Variants in ACVR1C observed in about 807,000 individuals in gnomAD.
The protein encoded by ACVR1C is activin A receptor type 1C, also known as activin receptor type-1C.
ACVR1C carries 23 observed loss-of-function variants against 57.9 expected under a neutral mutation model. The observed-to-expected ratio is 0.40, with a 90% CI of 0.29 to 0.56. The LOEUF (loss-of-function observed/expected upper bound fraction) is 0.56, where lower values mean the gene tolerates loss of function less well. Among genes scored for constraint, ACVR1C ranks in the 20% least tolerant of loss-of-function variants. The pLI, the probability that ACVR1C is intolerant of heterozygous loss-of-function variation, is 0.50. For missense variants in ACVR1C, 480 were observed against 607.9 expected (o/e 0.79, Z 2.21); for synonymous variants, 214 against 215.3 (o/e 0.99, Z 0.05).
chr2:157,545,321 C>G (rs1687725435), intron 4 of ACVR1C, among the ~76,000 whole-genome samples: 1 of 152,184 alleles, frequency 6.6e-6, no homozygotes, highest in Admixed American at 6.5e-5. Flanking sequence ...AGTTCTGACA[C>G]TCAGGGAAAG....
chr2:157,557,071 G>C (rs1281955434), intron 2 of ACVR1C, among the ~76,000 whole-genome samples: 1 of 152,020 alleles, frequency 6.6e-6, no homozygotes, highest in Non-Finnish European at 1.5e-5. Flanking sequence ...ACAATGGTGA[G>C]GAAAGAGCCC....
intron 2 of ACVR1C, among the ~76,000 whole-genome samples, chr2:157,562,209 C>T (rs890052195): frequency 2.6e-5 from 4 of 151,070 alleles, no homozygotes; most frequent in East Asian, 1.9e-4. Context: ...GTAGAAGAAT[C>T]GCTTGAACCC....
chr2:157,608,163 T>C (rs79752563), intron 1 of ACVR1C, among the ~76,000 whole-genome samples: 2,115 of 152,000 alleles, frequency 0.014, 19 homozygotes, highest in Non-Finnish European at 0.024. Flanking sequence ...ATGCCTCCTA[T>C]GCCTAGATTA....
At position 157,550,362 on chromosome 2, in the gene ACVR1C, G is replaced by T; in HGVS notation, c.575C>A (p.Ala192Glu). The change falls in exon 4 of 9, where the codon GCA (alanine) becomes GAA (glutamate). Residue 192 changes from alanine to glutamate, a missense_variant. By Grantham distance (107) the Ala-to-Glu change is moderately radical (BLOSUM62 -1). Transcript: ENST00000243349. ...GLPLLVQRTIARTIVLQEIVG... is the reference protein window; with the variant it reads ...GLPLLVQRTIERTIVLQEIVG... ...TATTTCCTGAAGCACAATCGTCCTTGCAATTGTCCTTTGAACCAACAGAGG... is the reference window on the plus strand; with the variant it reads ...TATTTCCTGAAGCACAATCGTCCTTTCAATTGTCCTTTGAACCAACAGAGG... 2 of 1,614,138 alleles carry T rather than the reference G, an allele frequency of 1.2e-6. No homozygotes were observed. The highest frequency in any genetic ancestry group is 1.7e-6 in the Non-Finnish European group (2 of 1,180,020).
At chr2:157,537,375 T>C (rs2105202058) in intron 8 of ACVR1C, among the ~76,000 whole-genome samples, 1 of 152,028 alleles carries the variant, frequency 6.6e-6, no homozygotes, top group East Asian at 1.9e-4. Flanking sequence ...TTATATTGTT[T>C]CGTGTACATA....
At chr2:157,541,921 C>G (rs1447524099) in intron 6 of ACVR1C, among the ~76,000 whole-genome samples, 1 of 152,108 alleles carries the variant, frequency 6.6e-6, no homozygotes, top group Non-Finnish European at 1.5e-5. Flanking sequence ...TGGAATTTTG[C>G]CAAAGTAATG....
At chr2:157,562,758 A>C (rs935976428) in intron 2 of ACVR1C, among the ~76,000 whole-genome samples, 1 of 152,188 alleles carries the variant, frequency 6.6e-6, no homozygotes, top group African/African-American at 2.4e-5. Flanking sequence ...GCACATCAAA[A>C]AGTTTAACCA....
intron 7 of ACVR1C, among the ~76,000 whole-genome samples, chr2:157,539,678 C>T (rs1687575143): frequency 1.3e-5 from 2 of 152,104 alleles, no homozygotes; most frequent in Admixed American, 1.3e-4. Flanking sequence ...AAACTACTGA[C>T]TAAAGAAGGT....
chr2:157,596,188 A>C (rs1286976533), intron 1 of ACVR1C, among the ~76,000 whole-genome samples: 1 of 152,244 alleles, frequency 6.6e-6, no homozygotes, highest in Non-Finnish European at 1.5e-5. Flanking sequence ...TCTCAATTTG[A>C]AAGAGGTTTT....
intron 5 of ACVR1C, 144 bp from the exon 6 acceptor site, chr2:157,543,006 A>T: frequency 1.4e-6 from 1 of 739,054 alleles, no homozygotes; most frequent in Non-Finnish European, 2.2e-6. Flanking sequence ...TATCTTGTTT[A>T]TTTATGTACA....
intron 4 of ACVR1C, among the ~76,000 whole-genome samples, chr2:157,545,216 GA>G (rs1266657845): frequency 6.6e-6 from 1 of 152,082 alleles, no homozygotes; most frequent in African/African-American, 2.4e-5. Context: ...AAGACTTTTA[GA>G]AAAGAAATTA....
chr2:157,549,421 T>G (rs1687855824), intron 4 of ACVR1C, among the ~76,000 whole-genome samples: 1 of 152,110 alleles, frequency 6.6e-6, no homozygotes, highest in Admixed American at 6.6e-5. Context: ...CCCTGATGCC[T>G]CCGTATCTCT....
intron 1 of ACVR1C, among the ~76,000 whole-genome samples, chr2:157,625,260 G>A (rs1295071191): frequency 6.6e-6 from 1 of 152,050 alleles, no homozygotes; most frequent in Admixed American, 6.5e-5. Flanking sequence ...CCAATTAAGG[G>A]TCCATTCTTC....
Position 157,542,782 on chromosome 2 carries a change from A to G in ACVR1C, c.1024T>C (p.Leu342=). The change falls in exon 6 of 9, where the codon TTA becomes CTA. Residue 342 remains leucine (L), a synonymous_variant. Transcript: ENST00000243349. ...KKCETCAIAD[L]GLAVKHDSIL... is the part of the protein sequence containing the mutation. ...GAATCATGCTTCACAGCCAACCCTA[A>G]GTCCGCTATGGCACAAGTTTCACAC... 6.2e-7 allele frequency: 1 copy of G among 1,614,088 alleles called. No individual in the cohort carries two copies.
intron 1 of ACVR1C, among the ~76,000 whole-genome samples, chr2:157,599,351 A>T (rs1682227392): frequency 6.9e-6 from 1 of 144,358 alleles, no homozygotes; most frequent in African/African-American, 2.6e-5. Flanking sequence ...AAAAAAAAAA[A>T]AGGCTGAATA....
chr2:157,628,629 A>G lies in ACVR1C; in HGVS notation c.16T>C (p.Cys6Arg), dbSNP rs745863477. MTRALCSALRQALLLL... is the reference protein window; with the variant it reads MTRALRSALRQALLLL... ...AGGAGAGCCTGGCGGAGCGCTGAGC[A>G]GAGCGCCCGGGTCATCGCCACCAGG... Residue 6 changes from cysteine to arginine, a missense_variant, in exon 1 of 9, where the codon TGC becomes CGC. Transcript: ENST00000243349. 2.5e-6 allele frequency: 4 copies of G among 1,591,378 alleles called. No homozygotes were observed. The highest frequency in any genetic ancestry group is 3.4e-6 in the Non-Finnish European group (4 of 1,170,332).
intron 2 of ACVR1C, among the ~76,000 whole-genome samples, 197 bp from the exon 3 acceptor site, chr2:157,556,529 G>A (rs915001556): frequency 2.0e-5 from 3 of 151,980 alleles, no homozygotes; most frequent in African/African-American, 7.3e-5. Context: ...GCTAGGAATG[G>A]TTATGGCAGA....
intron 4 of ACVR1C, among the ~76,000 whole-genome samples, chr2:157,546,765 A>G (rs1290720154): frequency 6.6e-6 from 1 of 152,134 alleles, no homozygotes; most frequent in Non-Finnish European, 1.5e-5. Context: ...CAAATCTGTG[A>G]TTACACAAGC....
chr2:157,538,566 G>A lies in ACVR1C; in HGVS notation c.1356+7C>T. On this transcript the variant is annotated splice_region_variant and intron_variant, in intron 8 of 8. Coordinates refer to ENST00000243349, the MANE Select transcript of ACVR1C (RefSeq NM_145259.3). ...TAAGAAAAATATAGATAAAAACATGGCCTTACTTCACAACTTTGCCACTGG... is the reference window on the plus strand; with the variant it reads ...TAAGAAAAATATAGATAAAAACATGACCTTACTTCACAACTTTGCCACTGG... 6.5e-7 allele frequency: 1 copy of A among 1,549,966 alleles called. No individual in the cohort carries two copies. The highest frequency in any genetic ancestry group is 8.7e-7 in the Non-Finnish European group (1 of 1,153,990).
Sources: allele counts gnomAD v4.1 joint callset (sites outside exome capture counted in the v4.1 genomes callset), GRCh38; gene constraint gnomAD v4.1.1; transcripts MANE v1.5; gene names NCBI Gene and HGNC (gene_info 2026-07-23, HGNC 2026-07-21).